PALLD: variants seen among roughly 807,000 people sequenced by gnomAD.
The protein encoded by PALLD is palladin.
PALLD carries 61 observed loss-of-function variants against 123.5 expected under a neutral mutation model. The observed-to-expected ratio is 0.49, with a 90% CI of 0.40 to 0.61. The LOEUF is 0.61. Ranked by LOEUF, PALLD falls within the 20% of genes least tolerant of loss-of-function variation. The pLI is 0.00. For synonymous variants in PALLD, 465 were observed against 496.4 expected (o/e 0.94, Z 0.84); for missense variants, 1,273 against 1,377.0 (o/e 0.92, Z 1.20).
intron 1 of PALLD, among the ~76,000 whole-genome samples, chr4:168,504,501 G>T (rs1294735848): frequency 1.3e-5 from 2 of 151,938 alleles, no homozygotes. Flanking sequence ...GACTGAGGAA[G>T]GAGAATCTCT....
intron 8 of PALLD, among the ~76,000 whole-genome samples, chr4:168,693,048 A>G (rs1369241533): frequency 1.3e-5 from 2 of 151,214 alleles, no homozygotes; most frequent in Non-Finnish European, 3.0e-5. Context: ...TCTCCCCCGC[A>G]CCCTGCGTCT....
chr4:168,922,319 T>C (rs551481795), intron 18 of PALLD, among the ~76,000 whole-genome samples: 2 of 152,196 alleles, frequency 1.3e-5, no homozygotes, highest in African/African-American at 4.8e-5. Flanking sequence ...TTTTATACCA[T>C]CCTTAAGAGT....
At chr4:168,865,619 A>G (rs1188508142) in intron 10 of PALLD, among the ~76,000 whole-genome samples, 2 of 152,194 alleles carry the variant, frequency 1.3e-5, no homozygotes, top group Non-Finnish European at 2.9e-5. Flanking sequence ...AGAAATTTGA[A>G]AAGTCGTCTT....
At chr4:168,523,342 A>G (rs1763749412) in intron 2 of PALLD, among the ~76,000 whole-genome samples, 1 of 152,114 alleles carries the variant, frequency 6.6e-6, no homozygotes. Flanking sequence ...TGGTTCTTTT[A>G]AAGTCAGAAA....
chr4:168,920,798 CG>C (rs1761321540), intron 17 of PALLD, among the ~76,000 whole-genome samples: 1 of 152,122 alleles, frequency 6.6e-6, no homozygotes, highest in African/African-American at 2.4e-5. Context: ...TGTGTGCTGA[CG>C]AATGCATTCT....
chr4:168,545,242 A>T (rs976130612), intron 2 of PALLD, among the ~76,000 whole-genome samples: 1 of 152,082 alleles, frequency 6.6e-6, no homozygotes, highest in African/African-American at 2.4e-5. Context: ...AGAACTCAAG[A>T]TTGGCCGGGT....
chr4:168,512,425 G>A lies in PALLD; in HGVS notation c.908+13G>A. 6.2e-7 allele frequency: 1 copy of A among 1,606,256 alleles called. No individual in the cohort carries two copies. The highest frequency in any genetic ancestry group is 1.1e-5 in the South Asian group (1 of 90,906). ...CTCCTCGAGTCAGGTATGAATTTTT[G>A]TATTATGCATAGCAAATGATCTTGT... On this transcript the variant is annotated intron_variant, in intron 2 of 21. Coordinates refer to ENST00000505667, the MANE Select transcript of PALLD (RefSeq NM_001166108.2).
chr4:168,843,966 C>T (rs1746427902), intron 10 of PALLD: 1 of 152,180 alleles, frequency 6.6e-6, no homozygotes, highest in Admixed American at 6.5e-5. Flanking sequence ...AGCATATCTA[C>T]TAAGAACTTT....
chr4:168,509,292 G>A (rs1335705499), intron 1 of PALLD, among the ~76,000 whole-genome samples: 1 of 151,962 alleles, frequency 6.6e-6, no homozygotes, highest in East Asian at 1.9e-4. Flanking sequence ...CTTCATATCA[G>A]CATGCCTGAT....
chr4:168,503,304 C>T (rs1761621705), intron 1 of PALLD, among the ~76,000 whole-genome samples: 1 of 152,036 alleles, frequency 6.6e-6, no homozygotes, highest in South Asian at 2.1e-4. Flanking sequence ...TTAGAAAGCA[C>T]CAAAAAGTGG....
intron 10 of PALLD, among the ~76,000 whole-genome samples, chr4:168,843,068 C>T (rs1042746427): frequency 6.6e-5 from 10 of 152,168 alleles, no homozygotes; most frequent in African/African-American, 2.4e-4. Flanking sequence ...ACCTAACCAG[C>T]TGTTAAGCAT....
chr4:168,752,657 A>T (rs1023389460), intron 10 of PALLD, among the ~76,000 whole-genome samples: 3 of 152,174 alleles, frequency 2.0e-5, no homozygotes, highest in Non-Finnish European at 4.4e-5. Flanking sequence ...GAGAACATTT[A>T]CACACTTTCA....
intron 16 of PALLD, 46 bp from the exon 17 acceptor site, chr4:168,915,849 A>C (rs758126879): frequency 1.9e-5 from 29 of 1,508,314 alleles, no homozygotes; most frequent in Non-Finnish European, 2.7e-5. Context: ...TCTGGAAGTA[A>C]CTACTATCTA....
intron 2 of PALLD, among the ~76,000 whole-genome samples, chr4:168,655,563 C>T (rs73864605): frequency 0.017 from 2,657 of 152,294 alleles, 64 homozygotes; most frequent in South Asian, 0.077. Flanking sequence ...GTGGAGGGAG[C>T]CTCAACCAAC....
At chr4:168,536,984 C>T (rs1050127546) in intron 2 of PALLD, among the ~76,000 whole-genome samples, 3 of 152,068 alleles carry the variant, frequency 2.0e-5, no homozygotes, top group African/African-American at 7.2e-5. Context: ...CCTGCCACCA[C>T]GCCCGGCTAA....
At chr4:168,748,806 A>G (rs893063327) in intron 10 of PALLD, among the ~76,000 whole-genome samples, 1 of 152,310 alleles carries the variant, frequency 6.6e-6, no homozygotes, top group Admixed American at 6.5e-5. Flanking sequence ...CACTCCAGTT[A>G]TCTGCCATGT....
At chr4:168,579,922 C>T (rs1015169892) in intron 2 of PALLD, among the ~76,000 whole-genome samples, 5 of 151,930 alleles carry the variant, frequency 3.3e-5, no homozygotes, top group African/African-American at 1.2e-4. Context: ...TCTCAGTAAA[C>T]TTTAAATATA....
chr4:168,771,692 A>AC lies in PALLD; in HGVS notation c.1964+59775dup, dbSNP rs200732748. 5.1e-3 allele frequency among the ~76,000 whole-genome samples: 771 copies of AC among 151,956 alleles called. 11 individuals are homozygous for AC. Among genetic ancestry groups the AC allele is most frequent in the African/African-American group, 0.017 (720 of 41,416 alleles). On this transcript the variant is annotated intron_variant, in intron 10 of 21. Transcript: ENST00000505667. The stretch of plus-strand genomic sequence containing the variant: ...TTGTCTACACTTGGTCTCAGCCATC[A>AC]CCCCCCAAACACACCCAGCTCTTTA...
chr4:168,776,483 T>C (rs563042847), intron 10 of PALLD, among the ~76,000 whole-genome samples: 8 of 152,254 alleles, frequency 5.3e-5, no homozygotes, highest in Non-Finnish European at 1.0e-4. Context: ...CCAAACTAGA[T>C]GCCTGCTATT....
Sources: gnomAD v4.1 joint callset for allele counts (sites outside exome capture counted in the v4.1 genomes callset) on GRCh38, gnomAD v4.1.1 for gene constraint, MANE v1.5 for transcripts, NCBI Gene and HGNC (gene_info 2026-07-23, HGNC 2026-07-21) for gene names.